RFTN2: variants seen among roughly 807,000 people sequenced by gnomAD.
The protein encoded by RFTN2 is raftlin-2.
A neutral mutation model predicts 52.7 loss-of-function variants in RFTN2; 34 were observed. That is an observed-to-expected ratio of 0.64 (90% CI 0.49 to 0.86). RFTN2 has a LOEUF of 0.86. RFTN2 is among the 40% of genes least tolerant of loss of function. RFTN2 has a pLI of 0.00. For missense variants in RFTN2, 536 were observed against 600.1 expected (o/e 0.89, Z 1.12); for synonymous variants, 203 against 217.7 (o/e 0.93, Z 0.59).
chr2:197,634,553 T>C (rs913598915), intron 3 of RFTN2, among the ~76,000 whole-genome samples: 3 of 152,146 alleles, frequency 2.0e-5, no homozygotes, highest in Non-Finnish European at 4.4e-5. Context: ...GATCGGCTTA[T>C]GTCTTTATGG....
At chr2:197,640,881 C>G (rs537972549) in intron 3 of RFTN2, among the ~76,000 whole-genome samples, 2 of 152,296 alleles carry the variant, frequency 1.3e-5, no homozygotes, top group South Asian at 4.1e-4. Context: ...TACTTCGTTT[C>G]TTTGTTCTAT....
At chr2:197,618,955 G>C (rs113564351) in intron 5 of RFTN2, among the ~76,000 whole-genome samples, 15 of 149,316 alleles carry the variant, frequency 1.0e-4, no homozygotes, top group African/African-American at 3.4e-4. Flanking sequence ...GGAGGGAGGT[G>C]GGGGGGTCAG....
intron 8 of RFTN2, among the ~76,000 whole-genome samples, chr2:197,573,917 A>G (rs2087368654): frequency 6.6e-6 from 1 of 152,226 alleles, no homozygotes; most frequent in African/African-American, 2.4e-5. Flanking sequence ...GCCTGTGGGT[A>G]CACAGAAGTC....
chr2:197,629,034 T>G (rs1303034206), intron 5 of RFTN2, among the ~76,000 whole-genome samples: 1 of 152,242 alleles, frequency 6.6e-6, no homozygotes, highest in Non-Finnish European at 1.5e-5. Context: ...GAAGACAGTG[T>G]GGCAATTCCT....
intron 8 of RFTN2, among the ~76,000 whole-genome samples, chr2:197,574,651 T>C (rs2087382738): frequency 1.3e-5 from 2 of 152,150 alleles, no homozygotes; most frequent in Non-Finnish European, 2.9e-5. Flanking sequence ...GAGGAACACT[T>C]GAGGTCAGGA....
chr2:197,616,068 G>A, intron 6 of RFTN2, 89 bp from the exon 7 acceptor site: 1 of 733,870 alleles, frequency 1.4e-6, no homozygotes, highest in East Asian at 2.8e-5. Flanking sequence ...GTTAGGATGA[G>A]GGGAGTTCAC....
At chr2:197,602,058 C>CT (rs1559345140) in intron 7 of RFTN2, among the ~76,000 whole-genome samples, 1 of 152,012 alleles carries the variant, frequency 6.6e-6, no homozygotes, top group Admixed American at 6.6e-5. Flanking sequence ...TTGACACTAT[C>CT]TTTTTTTTAT....
chr2:197,598,682 A>G (rs1251468476), intron 7 of RFTN2, among the ~76,000 whole-genome samples: 2 of 151,956 alleles, frequency 1.3e-5, no homozygotes, highest in Non-Finnish European at 2.9e-5. Flanking sequence ...TCCAGGGTCC[A>G]CTCCAGTCTT....
chr2:197,654,403 C>CA (rs371209461), intron 1 of RFTN2, among the ~76,000 whole-genome samples: 17 of 151,464 alleles, frequency 1.1e-4, no homozygotes, highest in African/African-American at 3.4e-4. Flanking sequence ...TTAAAACAAA[C>CA]AAAAAAATCA....
chr2:197,664,337 G>A (rs1005743622), intron 1 of RFTN2, among the ~76,000 whole-genome samples: 1 of 151,810 alleles, frequency 6.6e-6, no homozygotes, highest in African/African-American at 2.4e-5. Context: ...TCAGCCAGAT[G>A]TGGTGGTGTG....
chr2:197,648,814 C>G (rs2088787711), intron 1 of RFTN2, among the ~76,000 whole-genome samples: 1 of 152,212 alleles, frequency 6.6e-6, no homozygotes. Context: ...CTGTTTCATG[C>G]CACCAGGCCT....
At chr2:197,625,746 C>T (rs1278086504) in intron 5 of RFTN2, among the ~76,000 whole-genome samples, 2 of 139,682 alleles carry the variant, frequency 1.4e-5, no homozygotes, top group African/African-American at 5.3e-5. Flanking sequence ...CCCCTCCTCT[C>T]CCCTCCCTTC....
At chr2:197,636,215 G>A (rs1395943434) in intron 3 of RFTN2, among the ~76,000 whole-genome samples, 4 of 151,228 alleles carry the variant, frequency 2.6e-5, no homozygotes, top group Non-Finnish European at 4.4e-5. Flanking sequence ...TTGCCTTGGC[G>A]ACGCGGGCTC....
At chr2:197,655,081 A>G (rs2088876312) in intron 1 of RFTN2, among the ~76,000 whole-genome samples, 1 of 152,206 alleles carries the variant, frequency 6.6e-6, no homozygotes, top group African/African-American at 2.4e-5. Context: ...AGGGCTTTAC[A>G]TATGTCATTA....
chr2:197,576,767 C>T (rs972139538), intron 8 of RFTN2, among the ~76,000 whole-genome samples: 7 of 152,118 alleles, frequency 4.6e-5, no homozygotes, highest in African/African-American at 1.4e-4. Flanking sequence ...GCAGCCCCAG[C>T]GGGTTGCATA....
intron 8 of RFTN2, among the ~76,000 whole-genome samples, chr2:197,578,346 G>A (rs2087451407): frequency 6.6e-6 from 1 of 150,720 alleles, no homozygotes; most frequent in South Asian, 2.1e-4. Context: ...ACTTAGCACT[G>A]CACCTCTAAA....
At chr2:197,633,655 A>C in intron 4 of RFTN2, 63 bp downstream of exon 4, 2 of 1,356,374 alleles carry the variant, frequency 1.5e-6, no homozygotes, top group East Asian at 4.6e-5. Context: ...TCTAAAAAAA[A>C]CCTCAAAAAC....
intron 7 of RFTN2, among the ~76,000 whole-genome samples, chr2:197,613,627 T>A (rs1239976060): frequency 1.3e-5 from 2 of 152,236 alleles, no homozygotes; most frequent in Non-Finnish European, 2.9e-5. Flanking sequence ...AAGAACAGCA[T>A]GTGACTTGTC....
chr2:197,575,722 A>G (rs1317874229), intron 8 of RFTN2, among the ~76,000 whole-genome samples: 2 of 149,756 alleles, frequency 1.3e-5, no homozygotes, highest in Admixed American at 1.4e-4. Context: ...CAACATGGCG[A>G]GACCTCAGGT....
Sources: gnomAD v4.1 joint callset for allele counts (sites outside exome capture counted in the v4.1 genomes callset) on GRCh38, gnomAD v4.1.1 for gene constraint, MANE v1.5 for transcripts, NCBI Gene and HGNC (gene_info 2026-07-23, HGNC 2026-07-21) for gene names.